Variants in NBEA observed in about 807,000 individuals in gnomAD.
NBEA encodes neurobeachin.
Under a neutral mutation model 343.4 loss-of-function variants are expected in NBEA, and 44 were observed. The ratio of observed to expected loss-of-function variants is 0.13; its 90% CI spans 0.10 to 0.16. The LOEUF is 0.16. Among genes scored for constraint, NBEA ranks in the 10% least tolerant of loss-of-function variants. The probability of loss-of-function intolerance (pLI) is 1.00; values close to 1 mark genes in which losing one functional copy is unlikely to be tolerated. For missense variants in NBEA, 2,555 were observed against 3,631.3 expected (o/e 0.70, Z 7.62); for synonymous variants, 1,175 against 1,238.7 (o/e 0.95, Z 1.08).
chr13:35,116,104 G>C (rs191721169), intron 13 of NBEA, among the ~76,000 whole-genome samples: 1 of 152,180 alleles, frequency 6.6e-6, no homozygotes, highest in Non-Finnish European at 1.5e-5. Context: ...ACCACAATCA[G>C]TTGTTAGATA....
At chr13:35,232,458 A>G (rs764849822) in intron 33 of NBEA, 34 bp from the exon 34 acceptor site, 4 of 1,347,136 alleles carry the variant, frequency 3.0e-6, no homozygotes, top group South Asian at 1.3e-5. Flanking sequence ...ATATTGAATT[A>G]TATTTATTAG....
At chr13:35,384,519 ATCTTTTT>A (rs1388106780) in intron 38 of NBEA, among the ~76,000 whole-genome samples, 130 of 144,874 alleles carry the variant, frequency 9.0e-4, no homozygotes, top group African/African-American at 3.2e-3. Flanking sequence ...ACCTTGAATA[ATCTTTTT>A]TTTTTTTTTT....
At chr13:35,422,096 T>TG (rs34136056) in intron 38 of NBEA, among the ~76,000 whole-genome samples, 68,859 of 145,750 alleles carry the variant, frequency 0.47, 17,232 homozygotes, top group African/African-American at 0.64. Flanking sequence ...TTGTTTGTTT[T>TG]TTTTTTTTTT....
chr13:35,476,298 TG>T, intron 41 of NBEA: 1 of 260,430 alleles, frequency 3.8e-6, no homozygotes. Flanking sequence ...TTGGTTTCCC[TG>T]CTGCTGCTGC....
At position 34,942,849 on chromosome 13, in the gene NBEA, C is replaced by T; in HGVS notation, c.29C>T (p.Pro10Leu). The change falls in exon 1 of 59, where the codon CCG becomes CTG. Residue 10 changes from proline (P) to leucine (L), a missense_variant. This residue lies in a region of NBEA where 122 missense variants were observed against 91.0 expected (regional missense o/e 1.34). Transcript: ENST00000379939. ...GCTAGCGAGAAGCCGGGCCCGGGCC[C>T]GGGGCTCGAGCCTCAGCCCGTGGGG... Reference protein sequence around the residue: MASEKPGPGPGLEPQPVGLI... With the variant: MASEKPGPGLGLEPQPVGLI... The T allele has an allele frequency of 2.2e-6, 3 of 1,369,936 alleles. No individual in the cohort carries two copies. The highest frequency in any genetic ancestry group is 2.8e-6 in the Non-Finnish European group (3 of 1,058,992). The allele number at this position is 1,369,936 out of a possible 1,614,324, so 84.9% of individuals were successfully genotyped here.
At chr13:35,168,204 A>T (rs1477923931) in intron 24 of NBEA, among the ~76,000 whole-genome samples, 1 of 151,692 alleles carries the variant, frequency 6.6e-6, no homozygotes, top group Non-Finnish European at 1.5e-5. Context: ...ACAATGTACC[A>T]TGAAAATAGC....
rs1055510010 is a variant in NBEA, at chr13:35,444,280, C to A, written c.6305-7812C>A. On this transcript the variant is annotated intron_variant, in intron 39 of 58. Transcript: ENST00000379939. ...TCTGAGAGGTATATTTATCTTAAAT[C>A]TTTTTCCTTTTAGTGGAAATTAAAC... Among the ~76,000 whole-genome samples the A allele has an allele frequency of 4.6e-5, 7 of 151,986 alleles. No individual in the cohort carries two copies. The South Asian group carries it at 1.5e-3, about 31-fold the overall frequency.
At chr13:35,003,099 C>T (rs188730791) in intron 1 of NBEA, among the ~76,000 whole-genome samples, 14 of 152,152 alleles carry the variant, frequency 9.2e-5, no homozygotes, top group South Asian at 4.1e-4. Context: ...GAAAATTATG[C>T]ATAGAAAAAC....
At chr13:35,039,161 G>C (rs1293722590) in intron 1 of NBEA, among the ~76,000 whole-genome samples, 1 of 152,108 alleles carries the variant, frequency 6.6e-6, no homozygotes, top group Non-Finnish European at 1.5e-5. Flanking sequence ...CCCAGGTTCA[G>C]TGCCTCACAA....
chr13:35,600,560 C>T (rs1162306086), intron 47 of NBEA, among the ~76,000 whole-genome samples: 2 of 152,032 alleles, frequency 1.3e-5, no homozygotes, highest in Admixed American at 1.3e-4. Flanking sequence ...AAATTGAGAC[C>T]AAATAGCTTC....
Position 35,671,128 on chromosome 13 carries a change from A to T in NBEA, c.*137A>T. On this transcript the variant is annotated 3_prime_UTR_variant, in exon 59 of 59. Coordinates refer to ENST00000379939, the MANE Select transcript of NBEA (RefSeq NM_001385012.1). ...CCATCACACCCAGCAATAGCTGTAC[A>T]TTGTAGTCAGCAACCATTTTACTTT... 1 of 604,316 alleles carries T rather than the reference A, an allele frequency of 1.7e-6. No individual in the cohort carries two copies. Among genetic ancestry groups the T allele is most frequent in the East Asian group, 2.8e-5 (1 of 36,332 alleles). The allele number at this position is 604,316 out of a possible 1,614,324, so 37.4% of individuals were successfully genotyped here.
At chr13:35,235,244 G>C (rs1320204289) in intron 34 of NBEA, among the ~76,000 whole-genome samples, 1 of 151,976 alleles carries the variant, frequency 6.6e-6, no homozygotes, top group Non-Finnish European at 1.5e-5. Flanking sequence ...AAGAATGCTG[G>C]TTATTGATAT....
chr13:35,010,897 G>T (rs956805895), intron 1 of NBEA, among the ~76,000 whole-genome samples: 1 of 151,054 alleles, frequency 6.6e-6, no homozygotes, highest in Non-Finnish European at 1.5e-5. Flanking sequence ...GGGTGACAGA[G>T]CAAGACCCCA....
At chr13:34,990,244 G>A (rs544532549) in intron 1 of NBEA, among the ~76,000 whole-genome samples, 1 of 151,042 alleles carries the variant, frequency 6.6e-6, no homozygotes, top group African/African-American at 2.4e-5. Context: ...TCTTTGTGGG[G>A]GCTGTAACCC....
chr13:35,295,067 T>A (rs1463545025), intron 35 of NBEA, among the ~76,000 whole-genome samples: 1 of 148,286 alleles, frequency 6.7e-6, no homozygotes, highest in East Asian at 2.0e-4. Flanking sequence ...AAAAAAAAAT[T>A]AAAAAAAATA....
chr13:34,974,327 GTTTTC>G (rs2060095869), intron 1 of NBEA, among the ~76,000 whole-genome samples: 1 of 152,006 alleles, frequency 6.6e-6, no homozygotes, highest in Non-Finnish European at 1.5e-5. Flanking sequence ...CAAATCCTCT[GTTTTC>G]TTTTTGCCAG....
At chr13:35,617,177 G>A (rs7332598) in intron 48 of NBEA, among the ~76,000 whole-genome samples, 34,721 of 152,214 alleles carry the variant, frequency 0.23, 4,173 homozygotes, top group African/African-American at 0.25. Context: ...GAAGGAATGA[G>A]AGAAGCAAGG....
intron 34 of NBEA, among the ~76,000 whole-genome samples, chr13:35,283,842 A>G (rs554776621): frequency 2.0e-4 from 30 of 152,260 alleles, no homozygotes; most frequent in African/African-American, 7.0e-4. Flanking sequence ...TGGGTTTCAG[A>G]ATTGTAAAGT....
chr13:35,398,168 A>G (rs1263101481), intron 38 of NBEA, among the ~76,000 whole-genome samples: 2 of 152,132 alleles, frequency 1.3e-5, no homozygotes, highest in Admixed American at 6.6e-5. Flanking sequence ...CTTTGTTCAT[A>G]AGAAGCAACT....
Sources: allele counts gnomAD v4.1 joint callset (sites outside exome capture counted in the v4.1 genomes callset), GRCh38; gene constraint gnomAD v4.1.1; regional missense constraint gnomAD v4.1.1; transcripts MANE v1.5; gene names NCBI Gene and HGNC (gene_info 2026-07-23, HGNC 2026-07-21).